HIVEP1: variants seen among roughly 807,000 people sequenced by gnomAD.
The protein encoded by HIVEP1 is HIVEP zinc finger 1, also known as zinc finger protein 40.
A neutral mutation model predicts 180.0 loss-of-function variants in HIVEP1; 36 were observed. The ratio of observed to expected loss-of-function variants is 0.20; its 90% confidence interval spans 0.15 to 0.26. HIVEP1 has a LOEUF of 0.26. HIVEP1 is among the 10% of genes least tolerant of loss of function. The pLI is 1.00. For synonymous variants in HIVEP1, 1,239 were observed against 1,239.0 expected (o/e 1.00, Z 0.00); for missense variants, 3,143 against 3,268.7 (o/e 0.96, Z 0.94).
At chr6:12,040,623 T>C (rs554039426) in intron 2 of HIVEP1, among the ~76,000 whole-genome samples, 3 of 152,186 alleles carry the variant, frequency 2.0e-5, no homozygotes, top group Non-Finnish European at 4.4e-5. Flanking sequence ...ATATAACTTG[T>C]GTGATTTAAA....
chr6:12,172,687 C>G, the HIVEP1 span, among the ~76,000 whole-genome samples: 4 of 152,008 alleles, frequency 2.6e-5, no homozygotes, highest in Admixed American at 6.6e-5. Context: ...ACATTTACAA[C>G]AGATATTGCA....
At chr6:12,187,110 T>C in the HIVEP1 span, among the ~76,000 whole-genome samples, 1 of 152,080 alleles carries the variant, frequency 6.6e-6, no homozygotes, top group Non-Finnish European at 1.5e-5. Flanking sequence ...AAATGAAGAA[T>C]TTCAGTGGTT....
At chr6:12,166,170 T>G (rs1760695650), downstream of HIVEP1, among the ~76,000 whole-genome samples, 1 of 152,212 alleles carries the variant, frequency 6.6e-6, no homozygotes. Context: ...TTTCTCAAAA[T>G]TAATGTTTTA....
At chr6:12,176,208 G>T in the HIVEP1 span, among the ~76,000 whole-genome samples, 1 of 149,720 alleles carries the variant, frequency 6.7e-6, no homozygotes, top group South Asian at 2.1e-4. Flanking sequence ...TTGACTCGGG[G>T]TAATTTTGTT....
chr6:12,178,859 A>G, the HIVEP1 span, among the ~76,000 whole-genome samples: 1 of 152,218 alleles, frequency 6.6e-6, no homozygotes, highest in African/African-American at 2.4e-5. Context: ...TCAATAGAGT[A>G]ATGTCTGAAT....
Position 12,125,744 on chromosome 6 carries a change from A to G in HIVEP1, c.5949A>G (p.Lys1983=), listed in dbSNP as rs751765287. ...CAAATCCACTCGGTTTGCCCACAAA[A>G]GTTGCACTTGCTCTCCTTAATTCAA... The part of the protein sequence containing the change: ...SNPNPLGLPT[K]VALALLNSKQ... The change falls in exon 4 of 9, where the codon AAA becomes AAG. Residue 1983 remains lysine (K), a synonymous_variant. Transcript: ENST00000379388. The G allele has an allele frequency of 6.2e-6, 10 of 1,614,214 alleles. No individual in the cohort carries two copies. The East Asian group carries it at 2.2e-4, about 36-fold the overall frequency.
intron 3 of HIVEP1, among the ~76,000 whole-genome samples, chr6:12,108,595 G>A (rs1028943697): frequency 6.6e-6 from 1 of 152,190 alleles, no homozygotes; most frequent in Admixed American, 6.5e-5. Context: ...TGGCACTGCT[G>A]GGGGACCCAG....
rs62395296 is a variant in HIVEP1, at chr6:12,074,643, T to C, written c.41-14541T>C. Among the ~76,000 whole-genome samples the C allele has an allele frequency of 2.0e-3, 295 of 148,144 alleles. 1 individual carries two copies. The highest frequency in any genetic ancestry group is 6.4e-3 in the African/African-American group (250 of 39,124). ...AAGTGTGTGTGTGTGTGTGTGTGTG[T>C]GCGCGCGCGTGCATGTCCTTGTCTC... On this transcript the variant is annotated intron_variant, in intron 2 of 8. Transcript: ENST00000379388.
chr6:12,016,253 C>T (rs969841280), intron 2 of HIVEP1, among the ~76,000 whole-genome samples: 21 of 152,070 alleles, frequency 1.4e-4, no homozygotes, highest in Admixed American at 6.5e-5. Context: ...TTCCATCAAC[C>T]GCGAATACTT....
Position 12,135,791 on chromosome 6 carries a change from G to T in HIVEP1, c.6386G>T (p.Gly2129Val). Reference sequence around the variant, plus strand: ...TTAGTAAACATTCTTTTCCCTTAAGGAAATCTGACAAAACACATGAAGTCC... The same window carrying T: ...TTAGTAAACATTCTTTTCCCTTAAGTAAATCTGACAAAACACATGAAGTCC... ...TYCNFSFKTK[G>V]NLTKHMKSKA... Residue 2129 changes from glycine (G) to valine (V), a missense_variant and splice_region_variant, in exon 7 of 9, where the codon GGA becomes GTA. Physicochemically the swap from Gly to Val is moderately radical, Grantham distance 109. This residue lies in a region of HIVEP1 where 126 missense variants were observed against 168.5 expected (regional missense o/e 0.75). Transcript: ENST00000379388. The T allele has an allele frequency of 6.2e-7, 1 of 1,601,164 alleles. No individual in the cohort carries two copies. The highest frequency in any genetic ancestry group is 8.6e-7 in the Non-Finnish European group (1 of 1,169,156).
At chr6:12,055,380 G>A (rs976746178) in intron 2 of HIVEP1, among the ~76,000 whole-genome samples, 2 of 152,156 alleles carry the variant, frequency 1.3e-5, no homozygotes, top group African/African-American at 4.8e-5. Context: ...GGCTGAGGCA[G>A]GAGAACCCCT....
At chr6:12,205,700 C>T in the HIVEP1 span, among the ~76,000 whole-genome samples, 15 of 152,130 alleles carry the variant, frequency 9.9e-5, no homozygotes, top group Non-Finnish European at 1.5e-5. Context: ...TTGTAAAGTA[C>T]ATATTTGTTA....
intron 2 of HIVEP1, among the ~76,000 whole-genome samples, chr6:12,034,847 C>T (rs910438299): frequency 2.6e-5 from 4 of 152,110 alleles, no homozygotes; most frequent in East Asian, 1.9e-4. Context: ...TTGACCTGGG[C>T]GTTGTACCAG....
At chr6:12,113,885 C>A (rs1775056589) in intron 3 of HIVEP1, among the ~76,000 whole-genome samples, 1 of 152,178 alleles carries the variant, frequency 6.6e-6, no homozygotes, top group Admixed American at 6.5e-5. Context: ...CCAGTTGTTC[C>A]CACATCTATG....
intron 3 of HIVEP1, among the ~76,000 whole-genome samples, chr6:12,095,640 T>G (rs940055388): frequency 4.6e-5 from 7 of 152,010 alleles, no homozygotes; most frequent in Non-Finnish European, 8.8e-5. Context: ...GTAATCAAAA[T>G]TTTCTGAGAA....
chr6:12,201,746 CA>C, the HIVEP1 span, among the ~76,000 whole-genome samples: 2 of 152,106 alleles, frequency 1.3e-5, no homozygotes, highest in Non-Finnish European at 2.9e-5. Context: ...GGGATGCTTG[CA>C]AAAAGTTTAG....
At chr6:12,208,732 G>A in the HIVEP1 span, among the ~76,000 whole-genome samples, 2 of 152,174 alleles carry the variant, frequency 1.3e-5, no homozygotes, top group Admixed American at 1.3e-4. Context: ...CCCATGTGAG[G>A]ACATAGGGAG....
the HIVEP1 span, among the ~76,000 whole-genome samples, chr6:12,183,379 T>C: frequency 6.6e-6 from 1 of 152,236 alleles, no homozygotes; most frequent in Admixed American, 6.5e-5. Flanking sequence ...ACTCCTGTTC[T>C]GTGGAGCAGA....
At chr6:12,138,356 T>A (rs1381242767) in intron 7 of HIVEP1, among the ~76,000 whole-genome samples, 1 of 152,216 alleles carries the variant, frequency 6.6e-6, no homozygotes, top group African/African-American at 2.4e-5. Context: ...AGATTGGGTC[T>A]CATTATTCTT....
Sources: allele counts gnomAD v4.1 joint callset (sites outside exome capture counted in the v4.1 genomes callset), GRCh38; gene constraint gnomAD v4.1.1; regional missense constraint gnomAD v4.1.1; transcripts MANE v1.5; gene names NCBI Gene and HGNC (gene_info 2026-07-23, HGNC 2026-07-21).